Variants in ZNF169 observed in about 807,000 individuals in gnomAD.
ZNF169 encodes the protein zinc finger protein 169.
In ZNF169, 11 loss-of-function variants were observed where a neutral mutation model predicts 12.0. The ratio of observed to expected loss-of-function variants is 0.92; its 90% confidence interval spans 0.58 to 1.52. ZNF169 has a LOEUF of 1.52. Among genes scored for constraint, ZNF169 ranks in the 40% most tolerant of loss-of-function variants. The pLI is 0.00. For missense variants in ZNF169, 722 were observed against 744.0 expected, an observed-to-expected ratio of 0.97 and a Z score of 0.34; for synonymous variants, 302 against 286.5, an observed-to-expected ratio of 1.05 and a Z score of -0.55.
intron 2 of ZNF169, chr9:94,287,940 G>A: frequency 1.2e-6 from 1 of 852,134 alleles, no homozygotes; most frequent in Non-Finnish European, 2.0e-6. Flanking sequence ...ATTGACAGCA[G>A]TCTCCAACTT....
At chr9:94,269,381 C>T (rs189498395) in intron 1 of ZNF169, among the ~76,000 whole-genome samples, 1 of 152,248 alleles carries the variant, frequency 6.6e-6, no homozygotes, top group Admixed American at 6.5e-5. Context: ...GGCAACTCAC[C>T]CTTGGAGCCC....
At chr9:94,291,583 G>T (rs1281172477) in intron 2 of ZNF169, among the ~76,000 whole-genome samples, 1 of 151,866 alleles carries the variant, frequency 6.6e-6, no homozygotes, top group South Asian at 2.1e-4. Context: ...AGGAACGAAG[G>T]GAAAAAAAGC....
At chr9:94,294,550 G>A (rs1188868121) in intron 4 of ZNF169, 1 of 152,212 alleles carries the variant, frequency 6.6e-6, no homozygotes, top group African/African-American at 2.4e-5. Context: ...GGGCATGGCA[G>A]CTTATGCTCC....
intron 2 of ZNF169, among the ~76,000 whole-genome samples, chr9:94,292,105 A>G (rs1303402981): frequency 6.6e-6 from 1 of 152,370 alleles, no homozygotes; most frequent in African/African-American, 2.4e-5. Flanking sequence ...GCGATAATCA[A>G]ACTTGTGTGT....
intron 2 of ZNF169, among the ~76,000 whole-genome samples, chr9:94,287,229 A>C (rs1404497984): frequency 6.6e-6 from 1 of 152,190 alleles, no homozygotes; most frequent in East Asian, 1.9e-4. Flanking sequence ...TGTACCCCTG[A>C]AAGGGTAACA....
At chr9:94,287,923 A>C in intron 2 of ZNF169, 2 of 915,940 alleles carry the variant, frequency 2.2e-6, no homozygotes, top group South Asian at 2.6e-5. Flanking sequence ...CCTGCTGTCC[A>C]GGCGAGATTG....
intron 1 of ZNF169, among the ~76,000 whole-genome samples, chr9:94,267,065 C>T (rs563530676): frequency 1.6e-4 from 24 of 152,218 alleles, no homozygotes; most frequent in Admixed American, 3.9e-4. Context: ...AGCGCCACCA[C>T]GCCCAGCTAA....
chr9:94,291,729 G>A (rs548119002), intron 2 of ZNF169, among the ~76,000 whole-genome samples: 1 of 152,212 alleles, frequency 6.6e-6, no homozygotes, highest in African/African-American at 2.4e-5. Context: ...TTAAAAAAAA[G>A]AAGAAAGCTG....
intron 2 of ZNF169, among the ~76,000 whole-genome samples, chr9:94,289,883 T>G (rs1042282517): frequency 4.6e-5 from 7 of 152,074 alleles, no homozygotes; most frequent in African/African-American, 1.7e-4. Context: ...ATGAGAAATT[T>G]GTAAAGAAAA....
chr9:94,285,426 A>G (rs1830705541), intron 2 of ZNF169, among the ~76,000 whole-genome samples: 1 of 152,110 alleles, frequency 6.6e-6, no homozygotes, highest in Non-Finnish European at 1.5e-5. Context: ...AAGATATAAT[A>G]TTTATATCTT....
At chr9:94,280,688 C>A (rs1830613801) in intron 2 of ZNF169, among the ~76,000 whole-genome samples, 1 of 152,164 alleles carries the variant, frequency 6.6e-6, no homozygotes, top group Non-Finnish European at 1.5e-5. Flanking sequence ...ATTCCTGACG[C>A]AGGTAGCCTC....
chr9:94,288,278 C>A (rs1467631154), intron 2 of ZNF169: 2 of 816,730 alleles, frequency 2.4e-6, no homozygotes, highest in East Asian at 5.2e-5. Context: ...AGTTCACGTG[C>A]AAGCTGATCT....
At chr9:94,285,450 G>A (rs892549498) in intron 2 of ZNF169, among the ~76,000 whole-genome samples, 8 of 152,034 alleles carry the variant, frequency 5.3e-5, no homozygotes, top group Non-Finnish European at 1.0e-4. Context: ...AGGTTGGAAG[G>A]GGAAACAAAG....
chr9:94,288,132 C>A (rs1342417575), intron 2 of ZNF169: 11 of 824,236 alleles, frequency 1.3e-5, no homozygotes, highest in Non-Finnish European at 2.1e-5. Flanking sequence ...CACCAGAGCA[C>A]CCTGGAATGA....
chr9:94,262,092 A>T (rs1488253723), intron 1 of ZNF169, among the ~76,000 whole-genome samples: 3 of 152,168 alleles, frequency 2.0e-5, no homozygotes, highest in Admixed American at 6.5e-5. Flanking sequence ...TTTTAGTTTC[A>T]GAGCACTTTA....
intron 2 of ZNF169, chr9:94,288,139 A>C (rs3131907): frequency 1.2e-6 from 1 of 811,812 alleles, no homozygotes. Flanking sequence ...GCACCCTGGA[A>C]TGAGGGCCCA....
chr9:94,279,475 A>G (rs896270456), intron 2 of ZNF169, among the ~76,000 whole-genome samples: 2 of 151,596 alleles, frequency 1.3e-5, no homozygotes, highest in East Asian at 3.9e-4. Context: ...AGTTAGGGGA[A>G]GAGACTGCTG....
chr9:94,296,714 C>T (rs1377814482), intron 4 of ZNF169: 6 of 454,586 alleles, frequency 1.3e-5, no homozygotes, highest in Admixed American at 2.4e-5. Flanking sequence ...TTTTTCTACT[C>T]CTCTGTTAGT....
chr9:94,273,772 G>A (rs1830471331), intron 1 of ZNF169, among the ~76,000 whole-genome samples: 2 of 151,732 alleles, frequency 1.3e-5, no homozygotes, highest in South Asian at 2.1e-4. Flanking sequence ...GTAGAGATGG[G>A]GTTTCACCGT....
Sources: gnomAD v4.1 joint callset for allele counts (sites outside exome capture counted in the v4.1 genomes callset) on GRCh38, gnomAD v4.1.1 for gene constraint, MANE v1.5 for transcripts, NCBI Gene and HGNC (gene_info 2026-07-23, HGNC 2026-07-21) for gene names.